The following MAGI1 variants were observed in gnomAD, a reference collection of about 807,000 sequenced individuals.
MAGI1 encodes the protein membrane-associated guanylate kinase, WW and PDZ domain-containing protein 1.
MAGI1 carries 58 observed loss-of-function variants against 139.9 expected under a neutral mutation model. The ratio of observed to expected loss-of-function variants is 0.41; its 90% CI spans 0.34 to 0.52. MAGI1 has a LOEUF of 0.52. Among genes scored for constraint, MAGI1 ranks in the 20% least tolerant of loss-of-function variants. The pLI, the probability that MAGI1 is intolerant of heterozygous loss-of-function variation, is 0.12. For synonymous variants in MAGI1, 812 were observed against 737.9 expected, an observed-to-expected ratio of 1.10 and a Z score of -1.63; for missense variants, 1,874 against 1,901.6, an observed-to-expected ratio of 0.99 and a Z score of 0.27.
chr3:65,662,645 T>A (rs942771419), intron 1 of MAGI1, among the ~76,000 whole-genome samples: 1 of 152,238 alleles, frequency 6.6e-6, no homozygotes, highest in Admixed American at 6.5e-5. Flanking sequence ...TGCATATAAG[T>A]ACTGATTATT....
At chr3:65,458,391 C>T (rs1056980140) in intron 5 of MAGI1, among the ~76,000 whole-genome samples, 4 of 151,526 alleles carry the variant, frequency 2.6e-5, no homozygotes, top group Admixed American at 6.6e-5. Flanking sequence ...ACCCCCAAAC[C>T]GTTTCCCATA....
intron 1 of MAGI1, among the ~76,000 whole-genome samples, chr3:65,794,939 A>C (rs1451694726): frequency 6.6e-6 from 1 of 152,164 alleles, no homozygotes; most frequent in Non-Finnish European, 1.5e-5. Context: ...GACAGCAAAT[A>C]AGCACATGAA....
Position 65,763,752 on chromosome 3 carries a change from T to TA in MAGI1, c.314-141665dup, listed in dbSNP as rs36104465. ...ATATTTCATATCGCACAAGTGCTTT[T>TA]AAAAAAAAAAAAGAAATAAATAAAA... On this transcript the variant is annotated intron_variant, in intron 1 of 22. Coordinates refer to ENST00000402939, the MANE Select transcript of MAGI1 (RefSeq NM_001033057.2). 4.9e-3 allele frequency among the ~76,000 whole-genome samples: 704 copies of TA among 143,480 alleles called. 1 individual carries two copies. The highest frequency in any genetic ancestry group is 0.013 in the African/African-American group (524 of 39,308). 94.1% of individuals were successfully genotyped at this position (143,480 alleles called of 152,430 possible).
chr3:65,633,255 A>G (rs974701859), intron 1 of MAGI1, among the ~76,000 whole-genome samples: 4 of 152,136 alleles, frequency 2.6e-5, no homozygotes, highest in Non-Finnish European at 5.9e-5. Flanking sequence ...CACACCACAC[A>G]TGACTCCAGA....
intron 3 of MAGI1, among the ~76,000 whole-genome samples, chr3:65,492,498 A>C (rs556418890): frequency 6.6e-6 from 1 of 152,370 alleles, no homozygotes; most frequent in East Asian, 1.9e-4. Context: ...AATTTTTATA[A>C]TTATATTTCA....
chr3:65,735,307 G>C (rs1040628067), intron 1 of MAGI1, among the ~76,000 whole-genome samples: 1 of 151,720 alleles, frequency 6.6e-6, no homozygotes, highest in African/African-American at 2.4e-5. Context: ...TTTTGGGGGG[G>C]TTCTCATTTT....
intron 1 of MAGI1, among the ~76,000 whole-genome samples, chr3:65,812,407 T>C (rs917662164): frequency 2.0e-5 from 3 of 151,662 alleles, no homozygotes; most frequent in African/African-American, 7.3e-5. Context: ...TTGAAAAAAT[T>C]ACAGGATTTT....
intron 2 of MAGI1, among the ~76,000 whole-genome samples, chr3:65,532,571 C>T (rs567564514): frequency 2.6e-4 from 40 of 152,312 alleles, no homozygotes; most frequent in Admixed American, 2.6e-3. Context: ...CTCTCTTTTG[C>T]TCTTTCTGGG....
At chr3:65,549,944 C>G (rs543047446) in intron 2 of MAGI1, among the ~76,000 whole-genome samples, 1 of 152,278 alleles carries the variant, frequency 6.6e-6, no homozygotes, top group South Asian at 2.1e-4. Context: ...ATAGCATCTG[C>G]CATTTTATTA....
At chr3:65,805,026 G>A (rs1390470520) in intron 1 of MAGI1, among the ~76,000 whole-genome samples, 5 of 152,050 alleles carry the variant, frequency 3.3e-5, no homozygotes, top group Non-Finnish European at 7.4e-5. Context: ...TATAGGCATG[G>A]GAAAAGATTT....
chr3:65,637,838 T>C (rs754269751), intron 1 of MAGI1, among the ~76,000 whole-genome samples: 2 of 152,210 alleles, frequency 1.3e-5, no homozygotes, highest in African/African-American at 2.4e-5. Flanking sequence ...ATTGCATTCA[T>C]AGCAGTTATG....
intron 1 of MAGI1, among the ~76,000 whole-genome samples, chr3:65,861,649 T>C (rs560252216): frequency 2.0e-5 from 3 of 152,036 alleles, no homozygotes; most frequent in Non-Finnish European, 4.4e-5. Context: ...AATGAAAAGT[T>C]TCAGAGTGAG....
At chr3:65,818,043 AGTGTGTGTGT>A (rs57082137) in intron 1 of MAGI1, among the ~76,000 whole-genome samples, 13 of 149,066 alleles carry the variant, frequency 8.7e-5, no homozygotes, top group African/African-American at 3.0e-4. Context: ...TAAAATTATG[AGTGTGTGTGT>A]GTGTGTGTGT....
chr3:65,768,344 C>T (rs1006880140), intron 1 of MAGI1, among the ~76,000 whole-genome samples: 1 of 151,958 alleles, frequency 6.6e-6, no homozygotes, highest in Non-Finnish European at 1.5e-5. Flanking sequence ...TACTTGAACC[C>T]GGAAGGCAGA....
rs1189699969 is a variant in MAGI1, at chr3:66,038,257, A to C, written c.52T>G (p.Cys18Gly). The C allele has an allele frequency of 2.5e-6, 4 of 1,610,104 alleles. No individual in the cohort carries two copies. Among genetic ancestry groups the C allele is most frequent in the Non-Finnish European group, 3.4e-6 (4 of 1,178,638 alleles). Reference sequence around the variant, plus strand: ...CCCTGGGGTCCCCGCTTCACGGTGCATTCGTGAACCCTGCTAGTCCAGTGG... The same window carrying C: ...CCCTGGGGTCCCCGCTTCACGGTGCCTTCGTGAACCCTGCTAGTCCAGTGG... ...KNHWTSRVHE[C>G]TVKRGPQGEL... Residue 18 changes from cysteine (C) to glycine (G), a missense_variant, in exon 1 of 23, where the codon TGC becomes GGC. By Grantham distance (159) the Cys-to-Gly change is radical. Around this residue, in one of 5 missense-constraint regions of MAGI1, gnomAD observed 648 missense variants for 598.1 expected, o/e 1.08. Coordinates refer to ENST00000402939, the MANE Select transcript of MAGI1 (RefSeq NM_001033057.2).
intron 1 of MAGI1, among the ~76,000 whole-genome samples, chr3:65,749,966 A>C (rs1013269889): frequency 1.4e-4 from 22 of 152,118 alleles, no homozygotes; most frequent in African/African-American, 5.1e-4. Flanking sequence ...ACTCAAAATG[A>C]TGGTGCAATG....
intron 2 of MAGI1, among the ~76,000 whole-genome samples, chr3:65,548,359 C>A (rs2079604288): frequency 6.6e-6 from 1 of 152,060 alleles, no homozygotes; most frequent in South Asian, 2.1e-4. Flanking sequence ...GCCTAGGCAC[C>A]CTACCATCCC....
At chr3:65,429,455 T>A in intron 12 of MAGI1, 65 bp downstream of exon 12, 1 of 1,481,372 alleles carries the variant, frequency 6.8e-7, no homozygotes, top group Non-Finnish European at 9.0e-7. Context: ...CATCTGAAGA[T>A]GAGTAAGTTA....
chr3:65,713,689 A>C (rs2031819058), intron 1 of MAGI1, among the ~76,000 whole-genome samples: 1 of 152,182 alleles, frequency 6.6e-6, no homozygotes, highest in Non-Finnish European at 1.5e-5. Context: ...TGGTAAGTTC[A>C]TTCATTCATT....
Sources: allele counts gnomAD v4.1 joint callset (sites outside exome capture counted in the v4.1 genomes callset), GRCh38; gene constraint gnomAD v4.1.1; regional missense constraint gnomAD v4.1.1; transcripts MANE v1.5; gene names NCBI Gene and HGNC (gene_info 2026-07-23, HGNC 2026-07-21).